The following PLCB1 variants were observed in gnomAD, a reference collection of about 807,000 sequenced individuals.
PLCB1 encodes the protein 1-phosphatidylinositol 4,5-bisphosphate phosphodiesterase beta-1.
A neutral mutation model predicts 161.8 loss-of-function variants in PLCB1; 46 were observed. The ratio of observed to expected loss-of-function variants is 0.28; its 90% CI spans 0.22 to 0.36. The LOEUF (loss-of-function observed/expected upper bound fraction) is 0.36. Among genes scored for constraint, PLCB1 ranks in the 10% least tolerant of loss-of-function variants. PLCB1 has a pLI of 1.00. For missense variants in PLCB1, 1,016 were observed against 1,472.5 expected, an observed-to-expected ratio of 0.69 and a Z score of 5.07; for synonymous variants, 517 against 503.7, an observed-to-expected ratio of 1.03 and a Z score of -0.35.
chr20:8,482,450 T>C (rs1008408375), intron 3 of PLCB1, among the ~76,000 whole-genome samples: 10 of 152,180 alleles, frequency 6.6e-5, no homozygotes, highest in Non-Finnish European at 1.2e-4. Flanking sequence ...ATAAAATGTG[T>C]ATCTTTTGTA....
intron 2 of PLCB1, among the ~76,000 whole-genome samples, chr20:8,258,124 AT>A (rs559957089): frequency 6.6e-6 from 1 of 152,140 alleles, no homozygotes; most frequent in Non-Finnish European, 1.5e-5. Context: ...GTATGGCATG[AT>A]TTTTTTAAAA....
At chr20:8,467,322 AGAG>A (rs1452641919) in intron 3 of PLCB1, among the ~76,000 whole-genome samples, 2 of 152,192 alleles carry the variant, frequency 1.3e-5, no homozygotes, top group African/African-American at 4.8e-5. Context: ...TTTTTTAGCC[AGAG>A]AAGAATTAAA....
At chr20:8,246,797 G>C (rs1261322752) in intron 2 of PLCB1, among the ~76,000 whole-genome samples, 2 of 151,594 alleles carry the variant, frequency 1.3e-5, no homozygotes, top group African/African-American at 4.8e-5. Flanking sequence ...GCAAATGGCT[G>C]GTTTTCTTTT....
intron 11 of PLCB1, among the ~76,000 whole-genome samples, chr20:8,706,858 A>T (rs1978709521): frequency 6.6e-6 from 1 of 152,192 alleles, no homozygotes; most frequent in Non-Finnish European, 1.5e-5. Context: ...CTCTTGCTGC[A>T]TCTTCACAAC....
intron 3 of PLCB1, among the ~76,000 whole-genome samples, chr20:8,466,529 A>G (rs1981833562): frequency 6.6e-6 from 1 of 152,150 alleles, no homozygotes; most frequent in Admixed American, 6.6e-5. Context: ...GCATAGTGTG[A>G]GAAACAAAAC....
chr20:8,181,942 C>G (rs6108114), intron 2 of PLCB1, among the ~76,000 whole-genome samples: 1 of 152,176 alleles, frequency 6.6e-6, no homozygotes, highest in Non-Finnish European at 1.5e-5. Flanking sequence ...GCACTCCAGC[C>G]TGAGCTACAG....
intron 3 of PLCB1, among the ~76,000 whole-genome samples, chr20:8,497,048 A>G (rs771454291): frequency 2.0e-5 from 3 of 152,172 alleles, no homozygotes; most frequent in Non-Finnish European, 4.4e-5. Flanking sequence ...AAATTTTAAG[A>G]CTGTTACGAT....
intron 23 of PLCB1, chr20:8,751,067 C>T: frequency 3.8e-6 from 1 of 261,014 alleles, no homozygotes; most frequent in Non-Finnish European, 7.7e-6. Flanking sequence ...TCCTGAGTAG[C>T]TGGGACTACA....
intron 12 of PLCB1, among the ~76,000 whole-genome samples, chr20:8,712,306 A>G (rs957222879): frequency 4.6e-5 from 7 of 152,112 alleles, no homozygotes; most frequent in Admixed American, 1.3e-4. Flanking sequence ...AAAAAACTAA[A>G]TTAATTAAAA....
At chr20:8,351,772 A>G (rs576523877) in intron 2 of PLCB1, among the ~76,000 whole-genome samples, 1 of 152,222 alleles carries the variant, frequency 6.6e-6, no homozygotes, top group South Asian at 2.1e-4. Flanking sequence ...AAGGAAATGC[A>G]ATTGAAAACC....
intron 18 of PLCB1, among the ~76,000 whole-genome samples, chr20:8,730,272 C>T (rs909344681): frequency 6.6e-6 from 1 of 151,844 alleles, no homozygotes; most frequent in Admixed American, 6.6e-5. Flanking sequence ...TTTTATTTAA[C>T]CTTTTCAACC....
intron 31 of PLCB1, among the ~76,000 whole-genome samples, chr20:8,822,341 C>T (rs1363611336): frequency 6.6e-6 from 1 of 152,158 alleles, no homozygotes; most frequent in Non-Finnish European, 1.5e-5. Flanking sequence ...ATGTGTCAGG[C>T]ACTGCGCTGC....
chr20:8,361,118 A>AGC (rs1986526138), intron 2 of PLCB1, among the ~76,000 whole-genome samples: 1 of 152,208 alleles, frequency 6.6e-6, no homozygotes, highest in Non-Finnish European at 1.5e-5. Flanking sequence ...CTGAATCAAA[A>AGC]CATGTGGAAA....
chr20:8,715,553 A>G (rs1449399828), intron 12 of PLCB1, among the ~76,000 whole-genome samples: 1 of 152,200 alleles, frequency 6.6e-6, no homozygotes, highest in East Asian at 1.9e-4. Context: ...CTGCAGTGCC[A>G]GCCTTTTTCC....
chr20:8,760,816 T>A (rs1600304828), intron 25 of PLCB1, among the ~76,000 whole-genome samples: 1 of 152,214 alleles, frequency 6.6e-6, no homozygotes, highest in Admixed American at 6.5e-5. Context: ...CAGAATATGA[T>A]CCATTTGTGA....
rs562890452 is a variant in PLCB1, at chr20:8,512,170, T to C, written c.247-116124T>C. On this transcript the variant is annotated intron_variant, in intron 3 of 31. Coordinates refer to ENST00000338037, the MANE Select transcript of PLCB1 (RefSeq NM_015192.4). ...TTCGCATTAAAACAATGATGTAGTTTTATTCGTAAATCTATAAAGTTAAGT... is the reference window on the plus strand; with the variant it reads ...TTCGCATTAAAACAATGATGTAGTTCTATTCGTAAATCTATAAAGTTAAGT... Among the ~76,000 whole-genome samples, 69 of 152,338 alleles carry C rather than the reference T, an allele frequency of 4.5e-4. 2 individuals carry two copies. The South Asian group carries it at 0.014, about 32-fold the overall frequency.
intron 3 of PLCB1, among the ~76,000 whole-genome samples, chr20:8,379,129 T>G: frequency 6.6e-6 from 1 of 151,820 alleles, no homozygotes; most frequent in Non-Finnish European, 1.5e-5. Context: ...AGGCCCTGGT[T>G]TGTGACATTC....
At chr20:8,643,875 G>T (rs535163166) in intron 4 of PLCB1, among the ~76,000 whole-genome samples, 33 of 149,952 alleles carry the variant, frequency 2.2e-4, no homozygotes, top group Non-Finnish European at 3.5e-4. Flanking sequence ...CCGCCATCTC[G>T]GCTCACTGCA....
chr20:8,210,026 T>C (rs550010243), intron 2 of PLCB1, among the ~76,000 whole-genome samples: 1 of 152,110 alleles, frequency 6.6e-6, no homozygotes, highest in South Asian at 2.1e-4. Context: ...TTTGTAGAGA[T>C]GGGGTATTAT....
Sources: gnomAD v4.1 joint callset for allele counts (sites outside exome capture counted in the v4.1 genomes callset) on GRCh38, gnomAD v4.1.1 for gene constraint, MANE v1.5 for transcripts, NCBI Gene and HGNC (gene_info 2026-07-23, HGNC 2026-07-21) for gene names.